Variants in WWOX observed in about 807,000 individuals in gnomAD.
WWOX encodes the protein WW domain-containing oxidoreductase.
In WWOX, 69 loss-of-function variants were observed where a neutral mutation model predicts 46.2. The ratio of observed to expected loss-of-function variants is 1.49; its 90% CI spans 1.23 to 1.82. The LOEUF is 1.82. Among genes scored for constraint, WWOX ranks in the 40% most tolerant of loss-of-function variants. WWOX has a pLI of 0.00. For synonymous variants in WWOX, 359 were observed against 202.6 expected, an observed-to-expected ratio of 1.77 and a Z score of -6.56; for missense variants, 919 against 542.6, an observed-to-expected ratio of 1.69 and a Z score of -6.89.
intron 8 of WWOX, among the ~76,000 whole-genome samples, chr16:78,664,047 G>T (rs1218465328): frequency 6.6e-6 from 1 of 152,154 alleles, no homozygotes; most frequent in Non-Finnish European, 1.5e-5. Context: ...TTTGAATCAT[G>T]GTTTTAAAAG....
chr16:79,055,147 T>C (rs1042717737), intron 8 of WWOX, among the ~76,000 whole-genome samples: 3 of 152,188 alleles, frequency 2.0e-5, no homozygotes, highest in African/African-American at 7.2e-5. Flanking sequence ...AAAACATTCC[T>C]CCTCAGATAT....
chr16:78,378,476 C>G (rs964844193), intron 5 of WWOX, among the ~76,000 whole-genome samples: 1 of 152,126 alleles, frequency 6.6e-6, no homozygotes, highest in Non-Finnish European at 1.5e-5. Flanking sequence ...TCACCCATTG[C>G]CACCGTTACC....
At position 78,253,931 on chromosome 16, in the gene WWOX, C is replaced by A. The variant is rs149268398; in HGVS notation, c.516+89642C>A. Among the ~76,000 whole-genome samples the A allele has an allele frequency of 6.8e-3, 1,038 of 152,284 alleles. 16 individuals carry two copies. Among genetic ancestry groups the A allele is most frequent in the African/African-American group, 0.024 (1,005 of 41,550 alleles). ...CCCTGGTACAACTCAACAGGCATTT[C>A]ATTTTGCCTTACAAATTGAGTGCAA... On this transcript the variant is annotated intron_variant, in intron 5 of 8. Coordinates refer to ENST00000566780, the MANE Select transcript of WWOX (RefSeq NM_016373.4).
intron 5 of WWOX, among the ~76,000 whole-genome samples, chr16:78,218,832 A>G (rs1205237107): frequency 6.6e-6 from 1 of 152,238 alleles, no homozygotes; most frequent in African/African-American, 2.4e-5. Context: ...ATTTTTATTC[A>G]TTAGAGTTTT....
intron 5 of WWOX, among the ~76,000 whole-genome samples, chr16:78,313,858 C>T (rs766739594): frequency 4.6e-5 from 7 of 152,142 alleles, no homozygotes; most frequent in Non-Finnish European, 7.4e-5. Context: ...GCTTCACTTC[C>T]CTGTCATTCA....
intron 8 of WWOX, among the ~76,000 whole-genome samples, chr16:78,473,416 C>CACCATTCCT (rs2084278261): frequency 2.0e-5 from 3 of 152,270 alleles, no homozygotes; most frequent in African/African-American, 7.2e-5. Context: ...AGACATGAGC[C>CACCATTCCT]GACCTTTTTA....
chr16:78,775,592 C>G (rs761657992), intron 8 of WWOX, among the ~76,000 whole-genome samples: 11 of 152,106 alleles, frequency 7.2e-5, no homozygotes, highest in African/African-American at 2.7e-4. Context: ...GTGTTTCACT[C>G]CCCCACCTCT....
chr16:78,519,378 T>A (rs1433334247), intron 8 of WWOX, among the ~76,000 whole-genome samples: 1 of 152,118 alleles, frequency 6.6e-6, no homozygotes, highest in East Asian at 1.9e-4. Context: ...TTGGCTTAGT[T>A]TCTTCCTCTA....
intron 8 of WWOX, among the ~76,000 whole-genome samples, chr16:78,651,273 C>T (rs1023313642): frequency 6.6e-6 from 1 of 152,196 alleles, no homozygotes; most frequent in Admixed American, 6.5e-5. Context: ...TGAGAGAGAG[C>T]GAGTGAGTGC....
chr16:78,345,639 C>CAAAA (rs1193432164), intron 5 of WWOX, among the ~76,000 whole-genome samples: 6 of 25,018 alleles, frequency 2.4e-4, no homozygotes, highest in East Asian at 1.6e-3. Flanking sequence ...GACCCTGTCT[C>CAAAA]AAAAAAAAAA....
chr16:78,728,207 G>C (rs2048882919), intron 8 of WWOX, among the ~76,000 whole-genome samples: 1 of 151,486 alleles, frequency 6.6e-6, no homozygotes, highest in Non-Finnish European at 1.5e-5. Flanking sequence ...TGTGACTACG[G>C]ACACATGCCA....
At position 78,194,954 on chromosome 16, in the gene WWOX, G is replaced by C. The variant is rs562327543; in HGVS notation, c.516+30665G>C. ...GCTATACAGCAGTGCTGTGTGACGC[G>C]ATAGCAGGTCCTTTTTAAACATCTG... is the stretch of plus-strand genomic sequence containing the variant. On this transcript the variant is annotated intron_variant, in intron 5 of 8. Coordinates refer to ENST00000566780, the MANE Select transcript of WWOX (RefSeq NM_016373.4). 1.4e-4 allele frequency among the ~76,000 whole-genome samples: 22 copies of C among 152,316 alleles called. No individual in the cohort carries two copies. The East Asian group carries it at 4.1e-3, about 28-fold the overall frequency.
intron 8 of WWOX, among the ~76,000 whole-genome samples, chr16:79,044,537 T>A (rs1372632916): frequency 6.6e-6 from 1 of 152,190 alleles, no homozygotes; most frequent in Non-Finnish European, 1.5e-5. Flanking sequence ...CTGCTCCGCC[T>A]TCTCCTTCTG....
chr16:79,182,353 T>G (rs1031038188), intron 8 of WWOX, among the ~76,000 whole-genome samples: 2 of 152,134 alleles, frequency 1.3e-5, no homozygotes, highest in African/African-American at 4.8e-5. Context: ...GTCTCCCTAC[T>G]TCCCTTTTTA....
chr16:78,652,747 T>C (rs540062936), intron 8 of WWOX, among the ~76,000 whole-genome samples: 15 of 152,278 alleles, frequency 9.9e-5, no homozygotes, highest in African/African-American at 3.4e-4. Context: ...GTGATAAAAA[T>C]AGACTTGGTA....
At chr16:78,934,444 G>C (rs1460338190) in intron 8 of WWOX, among the ~76,000 whole-genome samples, 1 of 147,988 alleles carries the variant, frequency 6.8e-6, no homozygotes, top group African/African-American at 2.5e-5. Context: ...AGGAGGTCAA[G>C]GCTGCAGTGA....
intron 4 of WWOX, among the ~76,000 whole-genome samples, chr16:78,147,260 C>CCTCT (rs1452654033): frequency 3.2e-4 from 49 of 151,920 alleles, no homozygotes; most frequent in African/African-American, 1.2e-3. Flanking sequence ...AAGTTTTTTA[C>CCTCT]ATTTTGCCTC....
chr16:78,710,473 CATATATATATATATAT>C (rs544025863), intron 8 of WWOX, among the ~76,000 whole-genome samples: 8 of 63,590 alleles, frequency 1.3e-4, no homozygotes, highest in Admixed American at 4.3e-4. Context: ...TAATGGATCT[CATATATATATATATAT>C]ATATATATAT....
intron 5 of WWOX, among the ~76,000 whole-genome samples, chr16:78,367,191 C>G (rs1466551858): frequency 6.6e-6 from 1 of 151,850 alleles, no homozygotes; most frequent in Non-Finnish European, 1.5e-5. Flanking sequence ...ATGTTAGCCA[C>G]TTTGGTCTCA....
Sources: gnomAD v4.1 joint callset for allele counts (sites outside exome capture counted in the v4.1 genomes callset) on GRCh38, gnomAD v4.1.1 for gene constraint, MANE v1.5 for transcripts, NCBI Gene and HGNC (gene_info 2026-07-23, HGNC 2026-07-21) for gene names.